Variants in PLCB2 observed in about 807,000 individuals in gnomAD.
PLCB2 encodes phospholipase C beta 2.
PLCB2 carries 115 observed loss-of-function variants against 141.7 expected under a neutral mutation model. That is an observed-to-expected ratio of 0.81 (90% CI 0.70 to 0.95). PLCB2 has a LOEUF of 0.95. PLCB2 is among the 40% of genes least tolerant of loss of function. PLCB2 has a pLI of 0.00. For missense variants in PLCB2, 1,403 were observed against 1,541.1 expected (o/e 0.91, Z 1.50); for synonymous variants, 603 against 595.6 (o/e 1.01, Z -0.18).
downstream of PLCB2, among the ~76,000 whole-genome samples, chr15:40,287,452 A>T (rs1245985321): frequency 2.0e-5 from 3 of 152,162 alleles, no homozygotes; most frequent in Admixed American, 2.0e-4. Context: ...GGATCATGTC[A>T]TCGGTGCAGT....
Position 40,288,015 on chromosome 15 carries a change from G to A in PLCB2, c.*700C>T, listed in dbSNP as rs577250653. On this transcript the variant is annotated 3_prime_UTR_variant, in exon 32 of 32. Coordinates refer to ENST00000260402, the MANE Select transcript of PLCB2 (RefSeq NM_004573.3). ...ACCTTGTCAGGCAGGCAGCCTGAGA[G>A]GGGTACATGGTAGGAACTGCCTGCC... The A allele has an allele frequency of 2.0e-6, 2 of 985,154 alleles. No homozygotes were observed. Among genetic ancestry groups the A allele is most frequent in the African/African-American group, 3.5e-5 (2 of 57,362 alleles). 61.0% of individuals were successfully genotyped at this position (985,154 alleles called of 1,614,324 possible). A position where few individuals can be genotyped will look rare whatever the true frequency, so the allele number is the denominator to read the frequency against.
chr15:40,298,035 T>A (rs2040319880), intron 11 of PLCB2, 76 bp from the exon 12 acceptor site: 2 of 1,260,532 alleles, frequency 1.6e-6, no homozygotes, highest in Middle Eastern at 3.7e-4. Flanking sequence ...TTTTCCCCCC[T>A]GCCTAGTTTC....
At chr15:40,284,628 T>A (rs2039583139), downstream of PLCB2, 6 of 450,870 alleles carry the variant, frequency 1.3e-5, no homozygotes, top group Non-Finnish European at 2.7e-5. Flanking sequence ...GATCACGAGA[T>A]CAAGGGATCG....
chr15:40,298,507 G>A, intron 10 of PLCB2, 55 bp downstream of exon 10: 2 of 1,610,656 alleles, frequency 1.2e-6, no homozygotes, highest in Non-Finnish European at 8.5e-7. Context: ...CCCTGTGGAG[G>A]ATGCAGGGAA....
intron 17 of PLCB2, 23 bp downstream of exon 17, chr15:40,295,178 G>C: frequency 6.2e-7 from 1 of 1,610,622 alleles, no homozygotes; most frequent in Non-Finnish European, 8.5e-7. Flanking sequence ...CAAGGACCCT[G>C]GCCACTGAAA....
rs770819925 is a variant in PLCB2, at chr15:40,295,060, G to C, written c.1782C>G (p.Asp594Glu). Reference protein sequence around the residue: ...LLSKASVQFVDYNKRQMSRIY... With the variant: ...LLSKASVQFVEYNKRQMSRIY... ...TGCGGCTCATCTGGCGCTTGTTGTA[G>C]CTGTCCCTGAGTTTAGGACCCTAGC... The change falls in exon 18 of 32, where the codon GAC (aspartate) becomes GAG (glutamate). Residue 594 changes from aspartate to glutamate, a missense_variant and splice_region_variant. Transcript: ENST00000260402. The C allele has an allele frequency of 1.9e-6, 3 of 1,612,422 alleles. No homozygotes were observed. The highest frequency in any genetic ancestry group is 2.5e-6 in the Non-Finnish European group (3 of 1,178,728).
chr15:40,292,535 C>T, intron 21 of PLCB2, 92 bp from the exon 22 acceptor site: 1 of 782,692 alleles, frequency 1.3e-6, no homozygotes, highest in Admixed American at 2.5e-5. Context: ...CTGAGTCTGG[C>T]ACTGCACCAT....
In PLCB2 at chr15:40,298,840, G is replaced by A. The variant is rs1374843875; in HGVS notation, c.808C>T (p.Leu270Phe). ...CCACTGGGCTCATACTTGTCGATGA[G>A]GCCCTGCACCTGGTCAGGCCGTGCT... ...PPARPDQVQG[L>F]IDKYEPSGIN... The change falls in exon 9 of 32, where the codon CTC (leucine) becomes TTC (phenylalanine). Residue 270 changes from leucine to phenylalanine, a missense_variant. Leu to Phe is a conservative substitution (Grantham distance 22). Coordinates refer to ENST00000260402, the MANE Select transcript of PLCB2 (RefSeq NM_004573.3). The A allele has an allele frequency of 6.2e-7, 1 of 1,613,796 alleles. No homozygotes were observed. The highest frequency in any genetic ancestry group is 8.5e-7 in the Non-Finnish European group (1 of 1,180,004).
downstream of PLCB2, among the ~76,000 whole-genome samples, chr15:40,284,836 C>CAAAAAAAAAAAA (rs56397946): frequency 2.4e-4 from 18 of 74,882 alleles, 1 homozygote; most frequent in African/African-American, 1.1e-3. Context: ...GAGACTCCGT[C>CAAAAAAAAAAAA]AAAAAAAAAA....
rs1209564002 is a variant in PLCB2 at position 40,302,576 on chromosome 15, AG to A, written c.264del (p.Pro90LeufsTer7). ...SQKLRDVFNM[D>X]FPDNSFLLKT... ...TTCAGCAGGAAACTGTTATCAGGAA[AG>A]TCCATGTTGAAGACGTCCCGGAGCT... On this transcript the variant is annotated frameshift_variant, in exon 4 of 32. Transcript: ENST00000260402. LOFTEE classifies it high-confidence loss of function. The A allele has an allele frequency of 6.2e-7, 1 of 1,614,198 alleles. No homozygotes were observed. Among genetic ancestry groups the A allele is most frequent in the Non-Finnish European group, 8.5e-7 (1 of 1,180,030 alleles).
chr15:40,289,657 TG>T (rs1408122605), intron 30 of PLCB2: 7 of 517,600 alleles, frequency 1.4e-5, no homozygotes, highest in African/African-American at 1.3e-4. Flanking sequence ...CATTATTCCT[TG>T]GCACCTCAGG....
At chr15:40,295,593 G>A (rs1036641282) in intron 16 of PLCB2, among the ~76,000 whole-genome samples, 3 of 152,336 alleles carry the variant, frequency 2.0e-5, no homozygotes, top group African/African-American at 7.2e-5. Flanking sequence ...AGCCTAGGGG[G>A]TCAGTAACAT....
At position 40,292,440 on chromosome 15, in the gene PLCB2, T is replaced by TA; in HGVS notation, c.2329dup (p.Tyr777LeufsTer9). 1 of 1,610,280 alleles carries TA rather than the reference T, an allele frequency of 6.2e-7. No homozygotes were observed. The highest frequency in any genetic ancestry group is 1.1e-5 in the South Asian group (1 of 90,924). On this transcript the variant is annotated frameshift_variant, in exon 22 of 32. Transcript: ENST00000260402. LOFTEE classifies it high-confidence loss of function. ...CTCACTGTGCAGGCACAGGTGGTGGTACCCTGTGAGACAGGACAGGGTAGG... is the reference window on the plus strand; with the variant it reads ...CTCACTGTGCAGGCACAGGTGGTGGTAACCCTGTGAGACAGGACAGGGTAGG...
chr15:40,285,106 T>A (rs1026092535), downstream of PLCB2, among the ~76,000 whole-genome samples: 1 of 152,158 alleles, frequency 6.6e-6, no homozygotes, highest in Non-Finnish European at 1.5e-5. Context: ...CCCTTGCCTC[T>A]CTCCAGCTCC....
At position 40,298,596 on chromosome 15, in the gene PLCB2, GTA is replaced by G; in HGVS notation, c.961_962del (p.Tyr321LeufsTer22). On this transcript the variant is annotated frameshift_variant, in exon 10 of 32. Transcript: ENST00000260402. LOFTEE classifies it high-confidence loss of function. ...HHDMTQPLNH[Y>X]FINSSHNTYL... Reference sequence around the variant, plus strand: ...AGGTGTTGTGGGACGAGTTGATGAAGTAATGATTGAGTGGCTGCGTCATGTCG... The same window carrying G: ...AGGTGTTGTGGGACGAGTTGATGAAGATGATTGAGTGGCTGCGTCATGTCG... 1.2e-6 allele frequency: 2 copies of G among 1,614,268 alleles called. No individual in the cohort carries two copies. Among genetic ancestry groups the G allele is most frequent in the Non-Finnish European group, 1.7e-6 (2 of 1,180,046 alleles).
chr15:40,288,987 G>C, intron 31 of PLCB2, 69 bp from the exon 32 acceptor site: 1 of 1,573,164 alleles, frequency 6.4e-7, no homozygotes, highest in Non-Finnish European at 8.6e-7. Context: ...TCCCTGGACA[G>C]TGGGAACAGG....
chr15:40,305,986 A>T (rs911714904), intron 1 of PLCB2, among the ~76,000 whole-genome samples: 2 of 152,224 alleles, frequency 1.3e-5, no homozygotes, highest in African/African-American at 4.8e-5. Flanking sequence ...AGTTTCTGAC[A>T]TCGGACTGGA....
Position 40,307,700 on chromosome 15 carries a change from C to T in PLCB2, c.-28G>A. ...TGCCAAGCGTTCCTCTTTGCAGAATCTCAGCAGACACAGGCAGGCAGAAGG... is the reference window on the plus strand; with the variant it reads ...TGCCAAGCGTTCCTCTTTGCAGAATTTCAGCAGACACAGGCAGGCAGAAGG... On this transcript the variant is annotated 5_prime_UTR_variant, in exon 1 of 32. Coordinates refer to ENST00000260402, the MANE Select transcript of PLCB2 (RefSeq NM_004573.3). The T allele has an allele frequency of 6.5e-7, 1 of 1,543,262 alleles. No individual in the cohort carries two copies. Among genetic ancestry groups the T allele is most frequent in the Non-Finnish European group, 8.8e-7 (1 of 1,140,550 alleles).
rs776725866 is a variant in PLCB2 at position 40,294,340 on chromosome 15, G to A, written c.1987C>T (p.Arg663Trp). The change falls in exon 19 of 32, where the codon CGG becomes TGG. Residue 663 changes from arginine (R) to tryptophan (W), a missense_variant. By Grantham distance (101) the Arg-to-Trp change is moderately radical. This residue lies in a region of PLCB2 where 975 missense variants were observed against 1,141.1 expected (regional missense o/e 0.85). Transcript: ENST00000260402. ...AAGGGGTTGAACTGCTTGTCCGGCCGGCGCATGAACTCATGCTTGAGGAGG... is the reference window on the plus strand; with the variant it reads ...AAGGGGTTGAACTGCTTGTCCGGCCAGCGCATGAACTCATGCTTGAGGAGG... ...GYLLKHEFMR[R>W]PDKQFNPFSV... 319 of 1,614,130 alleles carry A rather than the reference G, an allele frequency of 2.0e-4. 1 individual carries two copies. Among genetic ancestry groups the A allele is most frequent in the Non-Finnish European group, 2.5e-4 (293 of 1,180,006 alleles).
Sources: gnomAD v4.1 joint callset for allele counts (sites outside exome capture counted in the v4.1 genomes callset) on GRCh38, gnomAD v4.1.1 for gene constraint, gnomAD v4.1.1 regional missense constraint, MANE v1.5 for transcripts, NCBI Gene and HGNC (gene_info 2026-07-23, HGNC 2026-07-21) for gene names.